Variants in LDB2 observed in about 807,000 individuals in gnomAD.
The protein encoded by LDB2 is LIM domain binding 2.
In LDB2, 12 loss-of-function variants were observed where a neutral mutation model predicts 44.3. The ratio of observed to expected loss-of-function variants is 0.27; its 90% CI spans 0.17 to 0.44. The LOEUF is 0.44. Ranked by LOEUF, LDB2 falls within the 20% of genes least tolerant of loss-of-function variation. The probability of loss-of-function intolerance (pLI) is 1.00; values close to 1 mark genes in which losing one functional copy is unlikely to be tolerated. For missense variants in LDB2, 344 were observed against 473.5 expected, an observed-to-expected ratio of 0.73 and a Z score of 2.54; for synonymous variants, 164 against 174.8, an observed-to-expected ratio of 0.94 and a Z score of 0.49.
intron 5 of LDB2, among the ~76,000 whole-genome samples, chr4:16,554,622 A>AAGAC (rs1302334001): frequency 3.3e-5 from 5 of 152,226 alleles, no homozygotes; most frequent in African/African-American, 1.2e-4. Context: ...AAGCCATGGA[A>AAGAC]AGACACGGAG....
Position 16,898,503 on chromosome 4 carries a change from A to T in LDB2, c.-18T>A, listed in dbSNP as rs754308256. 2.3e-5 allele frequency: 37 copies of T among 1,612,518 alleles called. No individual in the cohort carries two copies. In the South Asian group the frequency reaches 3.6e-4, roughly 16 times the overall value. On this transcript the variant is annotated 5_prime_UTR_variant, in exon 1 of 8. Coordinates refer to ENST00000304523, the MANE Select transcript of LDB2 (RefSeq NM_001290.5). ...CTGGACATCTTGCCTGCTTTTCGAA[A>T]ATCAAGCTAAACAGAGTATCAGTAA...
At position 16,658,102 on chromosome 4, in the gene LDB2, T is replaced by C. The variant is rs1578536420; in HGVS notation, c.236-62227A>G. On this transcript the variant is annotated intron_variant, in intron 2 of 7. Coordinates refer to ENST00000304523, the MANE Select transcript of LDB2 (RefSeq NM_001290.5). ...AGCATAATATAAAAAGTTAATGATA[T>C]TAGGAGTTTCAACCTGGATTGGAAA... 4.6e-5 allele frequency among the ~76,000 whole-genome samples: 7 copies of C among 152,282 alleles called. No homozygotes were observed. The South Asian group carries it at 1.5e-3, about 32-fold the overall frequency.
At chr4:16,814,116 C>T (rs1037686234) in intron 1 of LDB2, among the ~76,000 whole-genome samples, 7 of 152,100 alleles carry the variant, frequency 4.6e-5, no homozygotes, top group African/African-American at 1.4e-4. Flanking sequence ...GTGATCCGCC[C>T]GCCTCGGCCT....
At chr4:16,586,528 A>AAACAC (rs1717009055) in intron 4 of LDB2, among the ~76,000 whole-genome samples, 3 of 69,430 alleles carry the variant, frequency 4.3e-5, no homozygotes, top group Non-Finnish European at 7.1e-5. Context: ...ACACACACAA[A>AAACAC]ACACACACAC....
At chr4:16,732,381 G>A (rs1760940877) in intron 2 of LDB2, among the ~76,000 whole-genome samples, 1 of 152,164 alleles carries the variant, frequency 6.6e-6, no homozygotes, top group Non-Finnish European at 1.5e-5. Flanking sequence ...TCATTAGTGT[G>A]GATTTGATCA....
intron 2 of LDB2, among the ~76,000 whole-genome samples, chr4:16,706,932 C>A (rs372173739): frequency 6.6e-6 from 1 of 152,126 alleles, no homozygotes; most frequent in South Asian, 2.1e-4. Context: ...TTCCATCTAC[C>A]TTTACTGACC....
At chr4:16,796,049 T>C (rs1162366349) in intron 1 of LDB2, among the ~76,000 whole-genome samples, 2 of 152,030 alleles carry the variant, frequency 1.3e-5, no homozygotes, top group Admixed American at 1.3e-4. Flanking sequence ...CCCAGCACTT[T>C]GGGAGGCTGA....
chr4:16,530,074 G>A (rs747975333), intron 5 of LDB2, among the ~76,000 whole-genome samples: 24 of 152,068 alleles, frequency 1.6e-4, no homozygotes, highest in Non-Finnish European at 2.8e-4. Flanking sequence ...ATGGAGTCTC[G>A]GTTTCCCAAA....
intron 1 of LDB2, among the ~76,000 whole-genome samples, chr4:16,897,895 A>AATATAT (rs1174965862): frequency 5.8e-4 from 45 of 78,140 alleles, no homozygotes; most frequent in African/African-American, 7.6e-4. Context: ...TAAAAAAGAA[A>AATATAT]ATATATATAT....
intron 1 of LDB2, among the ~76,000 whole-genome samples, chr4:16,779,906 T>C (rs1365459580): frequency 6.6e-6 from 1 of 152,256 alleles, no homozygotes; most frequent in Non-Finnish European, 1.5e-5. Flanking sequence ...TTCTCCAAAA[T>C]GCAAGATCTT....
At chr4:16,771,041 A>C (rs1338250097) in intron 1 of LDB2, among the ~76,000 whole-genome samples, 1 of 152,194 alleles carries the variant, frequency 6.6e-6, no homozygotes, top group Admixed American at 6.5e-5. Flanking sequence ...TAAACACAGC[A>C]GACAAGGGAA....
At chr4:16,623,227 C>T (rs1305342894) in intron 2 of LDB2, among the ~76,000 whole-genome samples, 1 of 152,172 alleles carries the variant, frequency 6.6e-6, no homozygotes, top group African/African-American at 2.4e-5. Flanking sequence ...GAAAAAAGAA[C>T]ATATACAGTA....
At chr4:16,556,003 A>G (rs1739439010) in intron 5 of LDB2, among the ~76,000 whole-genome samples, 1 of 152,146 alleles carries the variant, frequency 6.6e-6, no homozygotes, top group African/African-American at 2.4e-5. Flanking sequence ...AGCATGGCAG[A>G]GGAGTATTAT....
At chr4:16,617,800 A>G (rs1211357684) in intron 2 of LDB2, among the ~76,000 whole-genome samples, 1 of 152,208 alleles carries the variant, frequency 6.6e-6, no homozygotes, top group African/African-American at 2.4e-5. Flanking sequence ...GCCAAGACGC[A>G]TAGGAAGATT....
intron 2 of LDB2, among the ~76,000 whole-genome samples, chr4:16,732,712 C>T (rs767264999): frequency 6.6e-6 from 1 of 152,168 alleles, no homozygotes; most frequent in Non-Finnish European, 1.5e-5. Context: ...GATGATTTCT[C>T]ATCTGTTTGG....
At chr4:16,725,481 T>C (rs1759242915) in intron 2 of LDB2, among the ~76,000 whole-genome samples, 1 of 152,062 alleles carries the variant, frequency 6.6e-6, no homozygotes, top group Non-Finnish European at 1.5e-5. Flanking sequence ...TCCCGCTATC[T>C]CTAGTAACAA....
At chr4:16,695,285 C>T (rs988090465) in intron 2 of LDB2, among the ~76,000 whole-genome samples, 1 of 151,898 alleles carries the variant, frequency 6.6e-6, no homozygotes, top group Non-Finnish European at 1.5e-5. Context: ...GCCTGTAATC[C>T]CAGCACTTTG....
chr4:16,647,803 C>T (rs1455751256), intron 2 of LDB2, among the ~76,000 whole-genome samples: 1 of 152,202 alleles, frequency 6.6e-6, no homozygotes, highest in Non-Finnish European at 1.5e-5. Context: ...AATACCAATA[C>T]TTGTGTTATG....
intron 2 of LDB2, among the ~76,000 whole-genome samples, chr4:16,647,730 T>A (rs1737178008): frequency 6.6e-6 from 1 of 152,186 alleles, no homozygotes; most frequent in South Asian, 2.1e-4. Flanking sequence ...TTATTCCCAC[T>A]GACTCCATGT....
Sources: allele counts gnomAD v4.1 joint callset (sites outside exome capture counted in the v4.1 genomes callset), GRCh38; gene constraint gnomAD v4.1.1; transcripts MANE v1.5; gene names NCBI Gene and HGNC (gene_info 2026-07-23, HGNC 2026-07-21).